The following AFF1 variants were observed in gnomAD, a reference collection of about 807,000 sequenced individuals.
AFF1 encodes the protein AF4/FMR2 family member 1.
In AFF1, 48 loss-of-function variants were observed where a neutral mutation model predicts 121.7. That is an observed-to-expected ratio of 0.39 (90% CI 0.31 to 0.50). The LOEUF (loss-of-function observed/expected upper bound fraction) is 0.50. AFF1 is among the 20% of genes least tolerant of loss of function. The pLI is 0.76. For missense variants in AFF1, 1,523 were observed against 1,511.7 expected (o/e 1.01, Z -0.12); for synonymous variants, 613 against 563.0 (o/e 1.09, Z -1.26).
Position 87,084,172 on chromosome 4 carries a change from C to T in AFF1, c.1104+8C>T. The T allele has an allele frequency of 6.2e-7, 1 of 1,612,878 alleles. No individual in the cohort carries two copies. Among genetic ancestry groups the T allele is most frequent in the Non-Finnish European group, 8.5e-7 (1 of 1,179,018 alleles). ...GTTGAAGAGATTCTGAAGGTGAGTT[C>T]ACTGTTAATCTTTCTCATTTGAAGA... On this transcript the variant is annotated splice_region_variant and intron_variant, in intron 5 of 20. Coordinates refer to ENST00000395146, the MANE Select transcript of AFF1 (RefSeq NM_001166693.3).
chr4:87,135,493 C>T (rs1287007018), intron 20 of AFF1, 87 bp from the exon 21 acceptor site: 11 of 1,377,208 alleles, frequency 8.0e-6, no homozygotes, highest in Non-Finnish European at 1.1e-5. Context: ...GACCTACCTT[C>T]TGGAACCTTG....
intron 4 of AFF1, among the ~76,000 whole-genome samples, chr4:87,061,149 CTG>C (rs1720748471): frequency 6.6e-6 from 1 of 152,140 alleles, no homozygotes; most frequent in African/African-American, 2.4e-5. Context: ...AATAACTACA[CTG>C]TGGTTTGTTT....
At position 87,094,982 on chromosome 4, in the gene AFF1, C is replaced by CTT. The variant is rs766125726; in HGVS notation, c.1283+17_1283+18dup. 7.8e-5 allele frequency: 125 copies of CTT among 1,609,988 alleles called. No individual in the cohort carries two copies. Among genetic ancestry groups the CTT allele is most frequent in the Non-Finnish European group, 8.5e-5 (100 of 1,176,400 alleles). The stretch of plus-strand genomic sequence containing the variant: ...AAGGAACGTCATCGTAAGTGAAATG[C>CTT]TTTTTGTGTATTAAAATTTTGTAGT... On this transcript the variant is annotated intron_variant, in intron 8 of 20. Transcript: ENST00000395146.
chr4:87,088,206 T>G (rs151279464), intron 5 of AFF1, among the ~76,000 whole-genome samples: 1 of 152,356 alleles, frequency 6.6e-6, no homozygotes, highest in African/African-American at 2.4e-5. Flanking sequence ...CCATTATTCT[T>G]TCCAGTATAT....
At chr4:87,029,577 A>G (rs967928202) in intron 2 of AFF1, among the ~76,000 whole-genome samples, 3 of 152,198 alleles carry the variant, frequency 2.0e-5, no homozygotes, top group Non-Finnish European at 4.4e-5. Flanking sequence ...GCTGGAATAG[A>G]TAGCACAGGG....
chr4:87,025,386 G>A (rs1728423633), intron 2 of AFF1, among the ~76,000 whole-genome samples: 4 of 152,192 alleles, frequency 2.6e-5, no homozygotes, highest in Non-Finnish European at 5.9e-5. Flanking sequence ...AGAGTGTATG[G>A]CTTGTCCTGT....
intron 12 of AFF1, among the ~76,000 whole-genome samples, chr4:87,121,164 T>A (rs909470308): frequency 6.6e-6 from 1 of 152,150 alleles, no homozygotes; most frequent in African/African-American, 2.4e-5. Flanking sequence ...AGAAAAAGAA[T>A]TTCTGAAACC....
intron 2 of AFF1, among the ~76,000 whole-genome samples, chr4:86,969,879 C>CAGAAAAAAAAAAAAAAAA (rs1722813915): frequency 1.6e-5 from 1 of 63,610 alleles, no homozygotes; most frequent in Non-Finnish European, 3.1e-5. Context: ...GACTCCGTCT[C>CAGAAAAAAAAAAAAAAAA]AAAAAAAAAA....
intron 2 of AFF1, among the ~76,000 whole-genome samples, chr4:87,037,470 C>A (rs1282594356): frequency 6.6e-6 from 1 of 152,130 alleles, no homozygotes; most frequent in Non-Finnish European, 1.5e-5. Flanking sequence ...CACCACCACA[C>A]CCGGCCAATG....
intron 17 of AFF1, among the ~76,000 whole-genome samples, 187 bp downstream of exon 17, chr4:87,131,406 G>C (rs1424932139): frequency 6.6e-6 from 1 of 152,214 alleles, no homozygotes; most frequent in Non-Finnish European, 1.5e-5. Flanking sequence ...AGAATAACTG[G>C]GTCCAACTGC....
At chr4:87,066,666 C>T (rs946499322) in intron 4 of AFF1, among the ~76,000 whole-genome samples, 1 of 152,208 alleles carries the variant, frequency 6.6e-6, no homozygotes, top group Non-Finnish European at 1.5e-5. Flanking sequence ...CTTTACTTTC[C>T]CCTCTCAGCC....
In AFF1 at chr4:87,134,664, C is replaced by T; in HGVS notation, c.3505C>T (p.Gln1169Ter). Reference sequence around the variant, plus strand: ...TCTTACCGCCTTTGACCTTTGGGAACAGGCCGAGGCCCTCACGAGGAAGAA... The same window carrying T: ...TCTTACCGCCTTTGACCTTTGGGAATAGGCCGAGGCCCTCACGAGGAAGAA... Reference protein sequence around the residue: ...HVLTAFDLWEQAEALTRKNKE... With the variant: ...HVLTAFDLWE The change falls in exon 20 of 21, where the codon CAG becomes TAG. Residue 1169 changes from glutamine to a stop codon, truncating the protein, a stop_gained. Coordinates refer to ENST00000395146, the MANE Select transcript of AFF1 (RefSeq NM_001166693.3). LOFTEE classifies it high-confidence loss of function. 1 of 1,614,002 alleles carries T rather than the reference C, an allele frequency of 6.2e-7. No individual in the cohort carries two copies. The highest frequency in any genetic ancestry group is 2.2e-5 in the East Asian group (1 of 44,888).
chr4:87,004,905 T>C (rs993040895), intron 2 of AFF1, among the ~76,000 whole-genome samples: 5 of 152,238 alleles, frequency 3.3e-5, no homozygotes, highest in South Asian at 4.1e-4. Flanking sequence ...GTTAATTGCA[T>C]TGTGGAATCT....
At chr4:87,045,464 T>A (rs1730590921) in intron 2 of AFF1, among the ~76,000 whole-genome samples, 1 of 151,452 alleles carries the variant, frequency 6.6e-6, no homozygotes, top group African/African-American at 2.4e-5. Flanking sequence ...TTTAACCCCT[T>A]TAGTGCCAGG....
At chr4:87,051,250 A>G (rs1042869787) in intron 4 of AFF1, among the ~76,000 whole-genome samples, 4 of 152,152 alleles carry the variant, frequency 2.6e-5, no homozygotes, top group Non-Finnish European at 5.9e-5. Flanking sequence ...TGGTGGCAGC[A>G]TTGGTGGCAG....
chr4:86,949,512 C>A (rs1375534794), intron 2 of AFF1, among the ~76,000 whole-genome samples: 1 of 139,740 alleles, frequency 7.2e-6, no homozygotes, highest in Non-Finnish European at 1.5e-5. Context: ...ATCATAATTT[C>A]TATTTATTAA....
intron 1 of AFF1, among the ~76,000 whole-genome samples, chr4:86,937,135 C>T (rs1012870172): frequency 3.9e-5 from 6 of 152,098 alleles, no homozygotes; most frequent in Admixed American, 6.5e-5. Context: ...TTGCTTTTCA[C>T]CTGCAAGAAA....
chr4:87,047,222 C>G lies in AFF1; in HGVS notation c.687C>G (p.Pro229=). 6.2e-7 allele frequency: 1 copy of G among 1,614,170 alleles called. No homozygotes were observed. The highest frequency in any genetic ancestry group is 8.5e-7 in the Non-Finnish European group (1 of 1,180,032). ...TACATTCCAACCAGCAAACTCTTCCCCGGACGCAAGGAAGCAGCAAGGTTC... is the reference window on the plus strand; with the variant it reads ...TACATTCCAACCAGCAAACTCTTCCGCGGACGCAAGGAAGCAGCAAGGTTC... ...SPIHSNQQTL[P]RTQGSSKVHG... The change falls in exon 4 of 21, where the codon CCC becomes CCG. Residue 229 remains proline (P), a synonymous_variant. Transcript: ENST00000395146.
At chr4:86,970,322 G>A (rs1291643358) in intron 2 of AFF1, among the ~76,000 whole-genome samples, 1 of 151,982 alleles carries the variant, frequency 6.6e-6, no homozygotes, top group African/African-American at 2.4e-5. Flanking sequence ...GCAAGACCTC[G>A]TCTCTACAAC....
Sources: gnomAD v4.1 joint callset for allele counts (sites outside exome capture counted in the v4.1 genomes callset) on GRCh38, gnomAD v4.1.1 for gene constraint, MANE v1.5 for transcripts, NCBI Gene and HGNC (gene_info 2026-07-23, HGNC 2026-07-21) for gene names.